The following AFG2A variants were observed in gnomAD, a reference collection of about 807,000 sequenced individuals.
AFG2A encodes AAA ATPase AFG2A, also known as ATPase family gene 2 protein homolog A.
the AFG2A span, among the ~76,000 whole-genome samples, chr4:123,104,799 A>G: frequency 6.6e-6 from 1 of 152,236 alleles, no homozygotes; most frequent in Non-Finnish European, 1.5e-5. Context: ...AATTCTGTGA[A>G]GGCGGAGAAA....
chr4:122,948,288 G>A, the AFG2A span, among the ~76,000 whole-genome samples: 2 of 151,774 alleles, frequency 1.3e-5, no homozygotes, highest in African/African-American at 4.8e-5. Context: ...CCATTAACGG[G>A]CTTGAGCAGT....
At chr4:123,149,755 A>G in the AFG2A span, among the ~76,000 whole-genome samples, 12 of 150,612 alleles carry the variant, frequency 8.0e-5, no homozygotes, top group Admixed American at 2.6e-4. Context: ...TGTAGCAAAC[A>G]TTTAAAACTT....
chr4:123,241,364 A>G, the AFG2A span, among the ~76,000 whole-genome samples: 21 of 152,332 alleles, frequency 1.4e-4, no homozygotes, highest in Non-Finnish European at 2.8e-4. Context: ...CCTGATGAAC[A>G]TCGATGCGAG....
the AFG2A span, among the ~76,000 whole-genome samples, chr4:123,283,111 A>G: frequency 2.6e-5 from 4 of 152,198 alleles, no homozygotes; most frequent in Non-Finnish European, 4.4e-5. Flanking sequence ...AAGTCTTTCT[A>G]TATTCACCAT....
the AFG2A span, among the ~76,000 whole-genome samples, chr4:123,166,866 G>A: frequency 3.3e-5 from 5 of 151,918 alleles, no homozygotes; most frequent in Admixed American, 6.6e-5. Context: ...GGATTATAAC[G>A]TATGGATCCT....
chr4:123,224,987 C>T, the AFG2A span, among the ~76,000 whole-genome samples: 1 of 152,096 alleles, frequency 6.6e-6, no homozygotes, highest in Non-Finnish European at 1.5e-5. Flanking sequence ...TTTCATGTGT[C>T]TTTTGGCTGC....
At chr4:123,005,278 G>T in the AFG2A span, among the ~76,000 whole-genome samples, 1 of 152,080 alleles carries the variant, frequency 6.6e-6, no homozygotes. Context: ...AGCCACTTGA[G>T]TAGCTGGGAT....
At chr4:123,239,419 G>T in the AFG2A span, among the ~76,000 whole-genome samples, 2 of 152,140 alleles carry the variant, frequency 1.3e-5, no homozygotes, top group Admixed American at 6.5e-5. Flanking sequence ...AAAATGTTAA[G>T]GGTAGCCTGA....
chr4:123,059,652 C>T, the AFG2A span, among the ~76,000 whole-genome samples: 1 of 150,854 alleles, frequency 6.6e-6, no homozygotes, highest in African/African-American at 2.4e-5. Flanking sequence ...GATTTATAGT[C>T]CTTTGAGTAT....
At chr4:123,012,711 G>A in the AFG2A span, among the ~76,000 whole-genome samples, 1 of 152,148 alleles carries the variant, frequency 6.6e-6, no homozygotes, top group South Asian at 2.1e-4. Flanking sequence ...TTAAGACAAG[G>A]GCGAGACTGA....
the AFG2A span, among the ~76,000 whole-genome samples, chr4:123,191,290 C>T: frequency 4.0e-5 from 6 of 151,550 alleles, no homozygotes; most frequent in Non-Finnish European, 8.8e-5. Context: ...TCTCATATTC[C>T]TATGAGAAGG....
chr4:123,037,180 T>C, the AFG2A span, among the ~76,000 whole-genome samples: 295 of 152,118 alleles, frequency 1.9e-3, no homozygotes, highest in African/African-American at 5.8e-3. Flanking sequence ...CAGTAGTGAT[T>C]AAAGGGGCAA....
chr4:123,041,811 A>T, the AFG2A span, among the ~76,000 whole-genome samples: 63,486 of 152,030 alleles, frequency 0.42, 15,862 homozygotes, highest in Non-Finnish European at 0.55. Context: ...TACAGGCGTG[A>T]TCCACTGCAT....
the AFG2A span, among the ~76,000 whole-genome samples, chr4:123,231,310 T>C: frequency 6.6e-6 from 1 of 152,016 alleles, no homozygotes; most frequent in African/African-American, 2.4e-5. Flanking sequence ...CATCACTTGC[T>C]GCCTGACCAT....
chr4:122,970,309 T>G, the AFG2A span, among the ~76,000 whole-genome samples: 27 of 152,308 alleles, frequency 1.8e-4, no homozygotes, highest in East Asian at 4.2e-3. Context: ...GTAACATGCC[T>G]TACAGGTTTG....
At chr4:123,010,124 GC>G in the AFG2A span, among the ~76,000 whole-genome samples, 2 of 152,044 alleles carry the variant, frequency 1.3e-5, no homozygotes, top group East Asian at 3.9e-4. Context: ...CTCCAGTCTG[GC>G]CCTTCAGCAT....
chr4:123,187,228 C>T, the AFG2A span, among the ~76,000 whole-genome samples: 3 of 152,158 alleles, frequency 2.0e-5, no homozygotes, highest in Admixed American at 1.3e-4. Context: ...TTTGTGTTTA[C>T]GGTACTCTCC....
the AFG2A span, among the ~76,000 whole-genome samples, chr4:123,121,931 TTGTC>T: frequency 2.0e-5 from 3 of 152,224 alleles, no homozygotes; most frequent in East Asian, 1.9e-4. Context: ...TTCAGAAACT[TTGTC>T]TGGGCAGATT....
At chr4:123,304,016 C>T in the AFG2A span, among the ~76,000 whole-genome samples, 584 of 151,928 alleles carry the variant, frequency 3.8e-3, 2 homozygotes, top group African/African-American at 0.013. Flanking sequence ...TGAAATCTGT[C>T]CTCTGAAATA....
Sources: allele counts gnomAD v4.1 joint callset (sites outside exome capture counted in the v4.1 genomes callset), GRCh38; gene constraint gnomAD v4.1.1; transcripts MANE v1.5; gene names NCBI Gene and HGNC (gene_info 2026-07-23, HGNC 2026-07-21).